The following NECTIN3 variants were observed in gnomAD, a reference collection of about 807,000 sequenced individuals.
NECTIN3 encodes the protein nectin-3.
NECTIN3 carries 8 observed loss-of-function variants against 49.4 expected under a neutral mutation model. The ratio of observed to expected loss-of-function variants is 0.16; its 90% CI spans 0.10 to 0.29. The LOEUF (loss-of-function observed/expected upper bound fraction) is 0.29. NECTIN3 is among the 10% of genes least tolerant of loss of function. NECTIN3 has a pLI of 1.00. For missense variants in NECTIN3, 581 were observed against 654.6 expected (o/e 0.89, Z 1.23); for synonymous variants, 277 against 241.1 (o/e 1.15, Z -1.38).
intron 5 of NECTIN3, among the ~76,000 whole-genome samples, chr3:111,142,845 A>C (rs1307640114): frequency 1.3e-5 from 2 of 151,904 alleles, no homozygotes; most frequent in African/African-American, 4.8e-5. Flanking sequence ...ATAAGAACAA[A>C]AATTTAAATT....
intron 7 of NECTIN3, among the ~76,000 whole-genome samples, chr3:111,149,482 T>A (rs2107511510): frequency 6.6e-6 from 1 of 150,836 alleles, no homozygotes; most frequent in South Asian, 2.1e-4. Context: ...TGTGTGTGTG[T>A]GTGTGTGTGT....
chr3:111,098,280 A>T (rs1424185907), intron 1 of NECTIN3, among the ~76,000 whole-genome samples: 1 of 152,164 alleles, frequency 6.6e-6, no homozygotes, highest in Non-Finnish European at 1.5e-5. Flanking sequence ...ACTCTCTTAT[A>T]TTAGTTTCCT....
chr3:111,193,378 G>T, intron 1 of NECTIN3: 1 of 1,530,634 alleles, frequency 6.5e-7, no homozygotes, highest in South Asian at 1.2e-5. Context: ...CATTATGTGT[G>T]ATTTTTCTCT....
chr3:111,113,115 A>G (rs541015739), intron 2 of NECTIN3, among the ~76,000 whole-genome samples: 2 of 152,274 alleles, frequency 1.3e-5, no homozygotes, highest in South Asian at 4.1e-4. Context: ...TAGGTCCTTT[A>G]AGATTACTTC....
chr3:111,179,533 TACAC>T (rs941512724), intron 7 of NECTIN3, among the ~76,000 whole-genome samples: 3 of 152,094 alleles, frequency 2.0e-5, no homozygotes, highest in South Asian at 2.1e-4. Context: ...TGGGATGTAA[TACAC>T]AGACAGAAGA....
chr3:111,094,432 A>C (rs892241604), intron 1 of NECTIN3, among the ~76,000 whole-genome samples: 7 of 152,066 alleles, frequency 4.6e-5, no homozygotes, highest in Non-Finnish European at 1.5e-5. Flanking sequence ...GTGCTTTTTC[A>C]TCAGTGCTGT....
chr3:111,187,538 A>G (rs1159598406), upstream of NECTIN3, among the ~76,000 whole-genome samples: 1 of 152,248 alleles, frequency 6.6e-6, no homozygotes, highest in African/African-American at 2.4e-5. Flanking sequence ...CTCAATTCAT[A>G]ATTTCCAAAA....
rs891874958 is a variant in NECTIN3, at chr3:111,135,897, G to C, written c.*1682G>C. 1.2e-6 allele frequency: 1 copy of C among 822,786 alleles called. No individual in the cohort carries two copies. Among genetic ancestry groups the C allele is most frequent in the Non-Finnish European group, 1.4e-6 (1 of 726,288 alleles). The allele number at this position is 822,786 out of a possible 1,614,324, so 51.0% of individuals were successfully genotyped here. ...TCCCAAAAGTAATACTTATTATAAG[G>C]CTGTAGTATCAGGTTAAGGATACAG... On this transcript the variant is annotated 3_prime_UTR_variant, in exon 6 of 6. Coordinates refer to ENST00000485303, the MANE Select transcript of NECTIN3 (RefSeq NM_015480.3).
intron 5 of NECTIN3, among the ~76,000 whole-genome samples, chr3:111,128,764 A>G (rs543959681): frequency 3.3e-5 from 5 of 152,250 alleles, no homozygotes; most frequent in African/African-American, 9.6e-5. Flanking sequence ...CAACTCTTCT[A>G]CTACTACTAC....
intron 7 of NECTIN3, among the ~76,000 whole-genome samples, chr3:111,183,157 T>C (rs1350893646): frequency 6.6e-6 from 1 of 152,130 alleles, no homozygotes; most frequent in Non-Finnish European, 1.5e-5. Flanking sequence ...AATACATTAT[T>C]ACTATTTTTG....
chr3:111,112,019 T>C lies in NECTIN3; in HGVS notation c.161-11T>C. On this transcript the variant is annotated splice_polypyrimidine_tract_variant and intron_variant, in intron 1 of 5. Coordinates refer to ENST00000485303, the MANE Select transcript of NECTIN3 (RefSeq NM_015480.3). Reference sequence around the variant, plus strand: ...ATTTTAAAAATTGTAGTACTTTTTTTTCCTCCATAGGTGCCTTAGCTGGAC... The same window carrying C: ...ATTTTAAAAATTGTAGTACTTTTTTCTCCTCCATAGGTGCCTTAGCTGGAC... 6.4e-7 allele frequency: 1 copy of C among 1,564,432 alleles called. No homozygotes were observed. The highest frequency in any genetic ancestry group is 8.6e-7 in the Non-Finnish European group (1 of 1,156,400).
At chr3:111,128,301 A>G (rs565638907) in intron 5 of NECTIN3, among the ~76,000 whole-genome samples, 2 of 151,328 alleles carry the variant, frequency 1.3e-5, no homozygotes, top group East Asian at 1.9e-4. Flanking sequence ...CGTGCCATGG[A>G]TGACAGAGCG....
At chr3:111,122,033 C>A in intron 3 of NECTIN3, 88 bp from the exon 4 acceptor site, 1 of 907,776 alleles carries the variant, frequency 1.1e-6, no homozygotes, top group Non-Finnish European at 1.7e-6. Flanking sequence ...TATTCTAAGG[C>A]TTTGTCTATT....
intron 7 of NECTIN3, among the ~76,000 whole-genome samples, chr3:111,155,658 A>G (rs1221723243): frequency 1.3e-5 from 2 of 152,192 alleles, no homozygotes; most frequent in Non-Finnish European, 2.9e-5. Flanking sequence ...TTTAACTTTG[A>G]ATTTGGCCAT....
At chr3:111,191,658 A>T (rs936439086), upstream of NECTIN3, among the ~76,000 whole-genome samples, 1 of 152,126 alleles carries the variant, frequency 6.6e-6, no homozygotes, top group Non-Finnish European at 1.5e-5. Context: ...TATGGCCTTT[A>T]AATCTATGTA....
chr3:111,087,740 C>A (rs974523702), intron 1 of NECTIN3, among the ~76,000 whole-genome samples: 3 of 151,252 alleles, frequency 2.0e-5, no homozygotes, highest in Non-Finnish European at 2.9e-5. Flanking sequence ...GTTCTGTTGC[C>A]CAGGCTGGAG....
At chr3:111,116,442 A>G (rs530524082) in intron 2 of NECTIN3, among the ~76,000 whole-genome samples, 8 of 152,254 alleles carry the variant, frequency 5.3e-5, no homozygotes, top group African/African-American at 1.9e-4. Context: ...TTAGGACTTA[A>G]TTCTTTTCAA....
At chr3:111,165,859 TA>T (rs1194040018) in intron 7 of NECTIN3, among the ~76,000 whole-genome samples, 1 of 152,134 alleles carries the variant, frequency 6.6e-6, no homozygotes, top group Non-Finnish European at 1.5e-5. Flanking sequence ...CAAATATGAA[TA>T]AAATAAGTAA....
chr3:111,191,100 G>C (rs1258843908), upstream of NECTIN3, among the ~76,000 whole-genome samples: 1 of 152,062 alleles, frequency 6.6e-6, no homozygotes, highest in Non-Finnish European at 1.5e-5. Flanking sequence ...GAGACATTCA[G>C]GCATTATTTT....
Sources: allele counts gnomAD v4.1 joint callset (sites outside exome capture counted in the v4.1 genomes callset), GRCh38; gene constraint gnomAD v4.1.1; transcripts MANE v1.5; gene names NCBI Gene and HGNC (gene_info 2026-07-23, HGNC 2026-07-21).